Variants in MROH9 observed in about 807,000 individuals in gnomAD.
MROH9 encodes maestro heat-like repeat-containing protein family member 9.
MROH9 carries 92 observed loss-of-function variants against 98.2 expected under a neutral mutation model. The observed-to-expected ratio is 0.94, with a 90% confidence interval of 0.79 to 1.11. The LOEUF is 1.11. Ranked by LOEUF, MROH9 falls within the 50% of genes most tolerant of loss-of-function variation. The pLI is 0.00. For missense variants in MROH9, 1,057 were observed against 1,014.8 expected (o/e 1.04, Z -0.57); for synonymous variants, 397 against 368.9 (o/e 1.08, Z -0.87).
Position 170,983,554 on chromosome 1 carries a change from T to C in MROH9, c.729+20T>C. ...GCTCAGGTAACTTAGCCCCCACTTT[T>C]TCCGAGGGCTTTTGTTTATGTGTAT... On this transcript the variant is annotated intron_variant, in intron 9 of 21. Coordinates refer to ENST00000367759, the MANE Select transcript of MROH9 (RefSeq NM_001163629.2). The C allele has an allele frequency of 7.1e-7, 1 of 1,407,234 alleles. No individual in the cohort carries two copies. The highest frequency in any genetic ancestry group is 1.0e-6 in the Non-Finnish European group (1 of 995,212). The allele number at this position is 1,407,234 out of a possible 1,614,324, so 87.2% of individuals were successfully genotyped here.
Position 171,034,050 on chromosome 1 carries a change from A to G in MROH9, c.2281+8630A>G, listed in dbSNP as rs1205041703. On this transcript the variant is annotated intron_variant, in intron 20 of 21. Coordinates refer to ENST00000367759, the MANE Select transcript of MROH9 (RefSeq NM_001163629.2). Reference sequence around the variant, plus strand: ...TGCATTCAGACAAAAAAAATTACCTACAAATTTTAAAAATAGAGAAACTGT... The same window carrying G: ...TGCATTCAGACAAAAAAAATTACCTGCAAATTTTAAAAATAGAGAAACTGT... 2.0e-5 allele frequency among the ~76,000 whole-genome samples: 3 copies of G among 152,258 alleles called. No homozygotes were observed. In the East Asian group the frequency reaches 5.8e-4, roughly 29 times the overall value.
rs200865573 is a variant in MROH9 at position 170,944,587 on chromosome 1, A to G, written c.-37-933A>G. On this transcript the variant is annotated intron_variant, in intron 1 of 21. Coordinates refer to ENST00000367759, the MANE Select transcript of MROH9 (RefSeq NM_001163629.2). ...GCAAATAAAAAGACGGAAAAAAGGAATACCAAAAAAGTGTAAACAACCACT... is the reference window on the plus strand; with the variant it reads ...GCAAATAAAAAGACGGAAAAAAGGAGTACCAAAAAAGTGTAAACAACCACT... Among the ~76,000 whole-genome samples, 38 of 146,684 alleles carry G rather than the reference A, an allele frequency of 2.6e-4. 1 individual carries two copies. The East Asian group carries it at 6.3e-3, about 24-fold the overall frequency.
intron 15 of MROH9, among the ~76,000 whole-genome samples, chr1:171,011,786 C>T (rs1652162213): frequency 1.3e-5 from 2 of 152,114 alleles, no homozygotes; most frequent in Non-Finnish European, 2.9e-5. Flanking sequence ...TCTCACTGCT[C>T]ATTTTACTTG....
intron 16 of MROH9, among the ~76,000 whole-genome samples, chr1:171,014,460 C>A (rs1652262964): frequency 7.1e-6 from 1 of 141,660 alleles, no homozygotes; most frequent in South Asian, 2.3e-4. Flanking sequence ...TATCGCCTTA[C>A]TTTTTTTTTT....
In MROH9 at chr1:170,986,690, C is replaced by T. The variant is rs1651145956; in HGVS notation, c.859C>T (p.His287Tyr). 6.2e-7 allele frequency: 1 copy of T among 1,613,800 alleles called. No homozygotes were observed. The highest frequency in any genetic ancestry group is 2.2e-5 in the East Asian group (1 of 44,878). ...ASILIFTLEF[H>Y]AEKVTMVSKI... ...CATACTGATATTTACTCTGGAATTTCATGCCGAGAAGGTCACCATGGTAAG... is the reference window on the plus strand; with the variant it reads ...CATACTGATATTTACTCTGGAATTTTATGCCGAGAAGGTCACCATGGTAAG... The change falls in exon 10 of 22, where the codon CAT becomes TAT. Residue 287 changes from histidine (H) to tyrosine (Y), a missense_variant. Physicochemically the swap from His to Tyr is moderately conservative, Grantham distance 83 (BLOSUM62 2). Coordinates refer to ENST00000367759, the MANE Select transcript of MROH9 (RefSeq NM_001163629.2).
Position 170,998,137 on chromosome 1 carries a change from C to T in MROH9, c.1476-17C>T. The T allele has an allele frequency of 6.3e-7, 1 of 1,581,464 alleles. No homozygotes were observed. On this transcript the variant is annotated splice_polypyrimidine_tract_variant and intron_variant, in intron 14 of 21. Transcript: ENST00000367759. ...GTTTTCTCCTTTGCTAATTCAGTGC[C>T]TTATTCTCTTTTACAGAACTCTCAG...
rs752465494 is a variant in MROH9 at position 170,995,469 on chromosome 1, G to T, written c.1275G>T (p.Thr425=). ...AVAQYFPQLL[T]TLMFQVFYNS... ...CCCAGTATTTCCCCCAGCTCTTGACGACTCTTATGTTCCAAGTCTTCTACA... is the reference window on the plus strand; with the variant it reads ...CCCAGTATTTCCCCCAGCTCTTGACTACTCTTATGTTCCAAGTCTTCTACA... Residue 425 remains threonine (T), a synonymous_variant, in exon 13 of 22, where the codon ACG becomes ACT. Transcript: ENST00000367759. 1.9e-6 allele frequency: 3 copies of T among 1,613,264 alleles called. No individual in the cohort carries two copies. Among genetic ancestry groups the T allele is most frequent in the Non-Finnish European group, 2.5e-6 (3 of 1,179,542 alleles).
intron 15 of MROH9, among the ~76,000 whole-genome samples, chr1:170,999,389 T>C (rs28647568): frequency 0.23 from 34,981 of 152,030 alleles, 4,689 homozygotes; most frequent in African/African-American, 0.38. Flanking sequence ...AGCTTAGCTC[T>C]CACATATCAC....
intron 7 of MROH9, 77 bp downstream of exon 7, chr1:170,965,332 C>A (rs971627018): frequency 2.0e-6 from 2 of 994,050 alleles, no homozygotes; most frequent in Non-Finnish European, 3.2e-6. Flanking sequence ...TGTCTTGGGT[C>A]CTAACAGTAC....
intron 8 of MROH9, among the ~76,000 whole-genome samples, chr1:170,979,669 T>C (rs1291976610): frequency 6.6e-6 from 1 of 152,184 alleles, no homozygotes; most frequent in East Asian, 1.9e-4. Flanking sequence ...ATTTCTGCTC[T>C]TTGAAAGATA....
chr1:171,029,030 A>G (rs1652821185), intron 20 of MROH9, among the ~76,000 whole-genome samples: 1 of 152,164 alleles, frequency 6.6e-6, no homozygotes, highest in African/African-American at 2.4e-5. Flanking sequence ...TGCCCTGGCC[A>G]GAACTTTCAA....
At chr1:170,975,694 A>G (rs997528616) in intron 8 of MROH9, among the ~76,000 whole-genome samples, 75 of 146,346 alleles carry the variant, frequency 5.1e-4, no homozygotes, top group African/African-American at 2.1e-3. Flanking sequence ...TTTTGCCTCA[A>G]TGATCTAATA....
intron 15 of MROH9, among the ~76,000 whole-genome samples, chr1:171,004,556 G>A (rs1651889963): frequency 6.6e-6 from 1 of 152,210 alleles, no homozygotes; most frequent in African/African-American, 2.4e-5. Context: ...TAGGAAAGGA[G>A]GGTCTCCCTT....
At chr1:170,977,281 T>G (rs1269159552) in intron 8 of MROH9, among the ~76,000 whole-genome samples, 1 of 152,212 alleles carries the variant, frequency 6.6e-6, no homozygotes, top group Non-Finnish European at 1.5e-5. Flanking sequence ...GTTGGAGAAC[T>G]ATTTCAGCCA....
chr1:171,012,778 C>T (rs563952135), intron 15 of MROH9, among the ~76,000 whole-genome samples: 1 of 152,252 alleles, frequency 6.6e-6, no homozygotes, highest in East Asian at 1.9e-4. Context: ...GCTGGGATTA[C>T]AGGCATGAGC....
At chr1:171,063,954 C>G in intron 21 of MROH9, 145 bp from the exon 22 acceptor site, 2 of 798,158 alleles carry the variant, frequency 2.5e-6, no homozygotes, top group Non-Finnish European at 3.8e-6. Flanking sequence ...TGCTATCAGC[C>G]AAAGTTACAA....
chr1:170,991,326 G>A (rs567637208), intron 11 of MROH9, among the ~76,000 whole-genome samples: 14 of 152,132 alleles, frequency 9.2e-5, no homozygotes, highest in Non-Finnish European at 2.9e-5. Flanking sequence ...AAGGAGACAC[G>A]GCATATGAGA....
In MROH9 at chr1:170,986,704, C is replaced by T; in HGVS notation, c.873C>T (p.Val291=). The change falls in exon 10 of 22, where the codon GTC becomes GTT. Residue 291 remains valine, a synonymous_variant. Transcript: ENST00000367759. ...IFTLEFHAEK[V]TMVSKIVDAI... ...CTCTGGAATTTCATGCCGAGAAGGT[C>T]ACCATGGTAAGATACTTGACAATAA... The T allele has an allele frequency of 6.2e-7, 1 of 1,613,502 alleles. No individual in the cohort carries two copies.
At chr1:170,986,850 G>T in intron 10 of MROH9, 140 bp downstream of exon 10, 7 of 1,024,314 alleles carry the variant, frequency 6.8e-6, no homozygotes, top group Non-Finnish European at 9.8e-6. Context: ...GAGGCTTTTG[G>T]TTTTTTAAAT....
Sources: allele counts gnomAD v4.1 joint callset (sites outside exome capture counted in the v4.1 genomes callset), GRCh38; gene constraint gnomAD v4.1.1; transcripts MANE v1.5; gene names NCBI Gene and HGNC (gene_info 2026-07-23, HGNC 2026-07-21).